The following RIBC1 variants were observed in gnomAD, a reference collection of about 807,000 sequenced individuals.
RIBC1 encodes RIB43A domain with coiled-coils 1.
RIBC1 carries 12 observed loss-of-function variants against 33.7 expected under a neutral mutation model. The observed-to-expected ratio is 0.36, with a 90% CI of 0.23 to 0.58. The LOEUF (loss-of-function observed/expected upper bound fraction) is 0.58, where lower values mean the gene tolerates loss of function less well. RIBC1 is among the 20% of genes least tolerant of loss of function. The pLI, the probability that RIBC1 is intolerant of heterozygous loss-of-function variation, is 0.81. For missense variants in RIBC1, 242 were observed against 311.6 expected (o/e 0.78, Z 1.68); for synonymous variants, 89 against 109.0 (o/e 0.82, Z 1.14).
chrX:53,430,888 C>G lies in RIBC1; in HGVS notation c.1059-19C>G. 8.3e-7 allele frequency: 1 copy of G among 1,210,916 alleles called. No homozygotes were observed. Among genetic ancestry groups the G allele is most frequent in the Middle Eastern group, 2.3e-4 (1 of 4,346 alleles). On this transcript the variant is annotated intron_variant, in intron 7 of 7. Coordinates refer to ENST00000375327, the MANE Select transcript of RIBC1 (RefSeq NM_001031745.5). Reference sequence around the variant, plus strand: ...AGAGGGAAAGCATGTCAGCTGAGACCTCTGGACTTCTTTCACAGGCAGGAT... The same window carrying G: ...AGAGGGAAAGCATGTCAGCTGAGACGTCTGGACTTCTTTCACAGGCAGGAT...
At chrX:53,424,107 G>T (rs1421896045) in intron 2 of RIBC1, among the ~76,000 whole-genome samples, 3 of 110,348 alleles carry the variant, frequency 2.7e-5, no homozygotes, top group Non-Finnish European at 3.8e-5. Context: ...TTGGTAGATG[G>T]AATCTAGTAG....
intron 5 of RIBC1, chrX:53,429,108 C>T (rs1458463471): frequency 8.0e-6 from 1 of 125,249 alleles, no homozygotes; most frequent in African/African-American, 3.2e-5. Context: ...GCACTCTGTT[C>T]TGCTGGACCA....
rs1556894082 is a variant in RIBC1 at position 53,430,482 on chromosome X, T to C, written c.750T>C (p.Ser250=). 1.3e-5 allele frequency: 16 copies of C among 1,208,725 alleles called. No individual in the cohort carries two copies. Among genetic ancestry groups the C allele is most frequent in the African/African-American group, 3.5e-5 (2 of 57,055 alleles). The change falls in exon 7 of 8, where the codon AGT becomes AGC. Residue 250 remains serine (S), a synonymous_variant. Coordinates refer to ENST00000375327, the MANE Select transcript of RIBC1 (RefSeq NM_001031745.5). ...CGGAGATCCAGCACCAGAGCACGAGTGACCTACTGACTGAAAACCCCCAGG... is the reference window on the plus strand; with the variant it reads ...CGGAGATCCAGCACCAGAGCACGAGCGACCTACTGACTGAAAACCCCCAGG... ...NLAEIQHQST[S]DLLTENPQVA...
intron 4 of RIBC1, 62 bp downstream of exon 4, chrX:53,428,146 T>C (rs1409592683): frequency 2.5e-6 from 3 of 1,192,836 alleles, no homozygotes; most frequent in Non-Finnish European, 3.4e-6. Context: ...TGGGCTGAGG[T>C]AGGGCAGTTC....
intron 4 of RIBC1, 79 bp from the exon 5 acceptor site, chrX:53,428,204 C>T: frequency 8.3e-7 from 1 of 1,200,707 alleles, no homozygotes; most frequent in Non-Finnish European, 1.1e-6. Context: ...ATTGGATGGA[C>T]CTTGAGAGTA....
chrX:53,427,706 C>T (rs2075799698), intron 3 of RIBC1, among the ~76,000 whole-genome samples: 1 of 111,993 alleles, frequency 8.9e-6, no homozygotes, highest in Non-Finnish European at 1.9e-5. Flanking sequence ...GAAAGTGTTC[C>T]AAGTGGAGGG....
intron 2 of RIBC1, among the ~76,000 whole-genome samples, chrX:53,424,826 G>C (rs1422508277): frequency 9.3e-6 from 1 of 107,201 alleles, no homozygotes; most frequent in Non-Finnish European, 1.9e-5. Context: ...AGCACTTTGG[G>C]AGGCCGAGGC....
At chrX:53,428,870 C>T (rs2075806402) in intron 5 of RIBC1, 5 of 983,505 alleles carry the variant, frequency 5.1e-6, no homozygotes, top group Non-Finnish European at 6.4e-6. Context: ...GCAGACAGAC[C>T]TAATGGCTCT....
intron 2 of RIBC1, among the ~76,000 whole-genome samples, chrX:53,425,667 A>G (rs1301715905): frequency 3.6e-5 from 4 of 111,100 alleles, no homozygotes; most frequent in Non-Finnish European, 7.5e-5. Flanking sequence ...GAAGCTGGCA[A>G]TGGTGGCTTG....
At chrX:53,430,338 T>G (rs1365064241) in intron 6 of RIBC1, 58 bp from the exon 7 acceptor site, 1 of 1,001,695 alleles carries the variant, frequency 1.0e-6, no homozygotes, top group Admixed American at 2.5e-5. Context: ...CCCCCTCCCC[T>G]GTGACAGAGT....
At chrX:53,425,611 T>C (rs1285711159) in intron 2 of RIBC1, among the ~76,000 whole-genome samples, 2 of 100,785 alleles carry the variant, frequency 2.0e-5, no homozygotes, top group African/African-American at 7.6e-5. Context: ...TAGGAGTCAA[T>C]AGAGGAAGCT....
At chrX:53,426,529 G>T (rs1556893261) in intron 3 of RIBC1, 136 bp downstream of exon 3, 1 of 484,879 alleles carries the variant, frequency 2.1e-6, no homozygotes, top group Non-Finnish European at 3.6e-6. Flanking sequence ...GGAAAGAGAG[G>T]GAGAGAAGGC....
chrX:53,425,810 A>T (rs1556893056), intron 2 of RIBC1, among the ~76,000 whole-genome samples: 1 of 112,371 alleles, frequency 8.9e-6, no homozygotes, highest in African/African-American at 3.2e-5. Context: ...AATAGAGTAT[A>T]ATGAAAAAGG....
At chrX:53,425,918 T>C (rs1475601254) in intron 2 of RIBC1, among the ~76,000 whole-genome samples, 1 of 112,453 alleles carries the variant, frequency 8.9e-6, no homozygotes, top group Admixed American at 9.4e-5. Flanking sequence ...TTATAAGCAC[T>C]GGGGAGCCAT....
At chrX:53,429,721 A>G (rs2075812125) in intron 5 of RIBC1, 133 bp from the exon 6 acceptor site, 2 of 1,071,975 alleles carry the variant, frequency 1.9e-6, no homozygotes, top group Non-Finnish European at 2.4e-6. Context: ...CCACATCCCT[A>G]CAACTCGGAC....
chrX:53,428,045 C>T lies in RIBC1; in HGVS notation c.160C>T (p.Arg54Cys), dbSNP rs782190595. Reference protein sequence around the residue: ...ALNNQVGDRKRREAAERSKEA... With the variant: ...ALNNQVGDRKCREAAERSKEA... ...GAACAACCAGGTGGGAGACCGAAAGCGTCGGGAAGCAGCAGAAAGAAGCAA... is the reference window on the plus strand; with the variant it reads ...GAACAACCAGGTGGGAGACCGAAAGTGTCGGGAAGCAGCAGAAAGAAGCAA... The change falls in exon 4 of 8, where the codon CGT becomes TGT. Residue 54 changes from arginine (R) to cysteine (C), a missense_variant. Arg to Cys is a radical substitution (Grantham distance 180). Coordinates refer to ENST00000375327, the MANE Select transcript of RIBC1 (RefSeq NM_001031745.5). The T allele has an allele frequency of 5.8e-6, 7 of 1,210,015 alleles. No homozygotes were observed. Among genetic ancestry groups the T allele is most frequent in the African/African-American group, 5.2e-5 (3 of 57,289 alleles).
At chrX:53,425,432 A>C (rs1002923817) in intron 2 of RIBC1, among the ~76,000 whole-genome samples, 1 of 109,082 alleles carries the variant, frequency 9.2e-6, no homozygotes, top group Non-Finnish European at 1.9e-5. Flanking sequence ...TACATGCCAA[A>C]AGTGAGCTTC....
At chrX:53,430,229 G>C (rs1388302774) in intron 6 of RIBC1, among the ~76,000 whole-genome samples, 167 bp from the exon 7 acceptor site, 1 of 112,232 alleles carries the variant, frequency 8.9e-6, no homozygotes, top group African/African-American at 3.2e-5. Flanking sequence ...TGAAGGCAGA[G>C]AAGTTCCCTG....
chrX:53,431,070 C>T lies in RIBC1; in HGVS notation c.*82C>T, dbSNP rs1249238241. On this transcript the variant is annotated 3_prime_UTR_variant, in exon 8 of 8. Transcript: ENST00000375327. Reference sequence around the variant, plus strand: ...GAGTCAAAGAGAAAAATGCTGCATACTCCCACCTTCTAACCTAGGTAATAA... The same window carrying T: ...GAGTCAAAGAGAAAAATGCTGCATATTCCCACCTTCTAACCTAGGTAATAA... 5.1e-6 allele frequency: 6 copies of T among 1,178,210 alleles called. No individual in the cohort carries two copies. Among genetic ancestry groups the T allele is most frequent in the Non-Finnish European group, 6.9e-6 (6 of 870,811 alleles).
Sources: gnomAD v4.1 joint callset for allele counts (sites outside exome capture counted in the v4.1 genomes callset) on GRCh38, gnomAD v4.1.1 for gene constraint, MANE v1.5 for transcripts, NCBI Gene and HGNC (gene_info 2026-07-23, HGNC 2026-07-21) for gene names.